LARP1: variants seen among roughly 807,000 people sequenced by gnomAD.
LARP1 encodes la-related protein 1.
In LARP1, 36 loss-of-function variants were observed where a neutral mutation model predicts 122.7. The observed-to-expected ratio is 0.29, with a 90% confidence interval of 0.22 to 0.39. The LOEUF is 0.39. Among genes scored for constraint, LARP1 ranks in the 10% least tolerant of loss-of-function variants. The pLI, the probability that LARP1 is intolerant of heterozygous loss-of-function variation, is 1.00. For synonymous variants in LARP1, 539 were observed against 528.7 expected (o/e 1.02, Z -0.27); for missense variants, 1,040 against 1,403.6 (o/e 0.74, Z 4.14).
intron 1 of LARP1, among the ~76,000 whole-genome samples, chr5:154,757,870 CTCCTCCCCTTCCCCCT>C (rs1215926349): frequency 8.2e-4 from 59 of 72,340 alleles, no homozygotes; most frequent in African/African-American, 3.4e-3. Context: ...CCCTTCCCCC[CTCCTCCCCTTCCCCCT>C]TCCTCCCCTT....
At chr5:154,774,857 A>T (rs543090311) in intron 1 of LARP1, among the ~76,000 whole-genome samples, 11 of 152,314 alleles carry the variant, frequency 7.2e-5, no homozygotes, top group African/African-American at 2.6e-4. Flanking sequence ...ATTTTGACCA[A>T]AGTCTCTCAG....
At chr5:154,711,873 T>C (rs972721818), upstream of LARP1, among the ~76,000 whole-genome samples, 12 of 152,184 alleles carry the variant, frequency 7.9e-5, no homozygotes, top group African/African-American at 2.9e-4. Flanking sequence ...CAATGTCTCG[T>C]TCCTTGTCAT....
At chr5:154,778,233 C>G (rs1373464044) in intron 1 of LARP1, among the ~76,000 whole-genome samples, 1 of 148,044 alleles carries the variant, frequency 6.8e-6, no homozygotes, top group Non-Finnish European at 1.5e-5. Flanking sequence ...GCACTCTAGC[C>G]TGGGCCACAG....
At chr5:154,738,080 C>T (rs894509724) in intron 1 of LARP1, among the ~76,000 whole-genome samples, 1 of 152,188 alleles carries the variant, frequency 6.6e-6, no homozygotes, top group African/African-American at 2.4e-5. Flanking sequence ...AGCACAGACA[C>T]ATCTAAGTCA....
intron 1 of LARP1, among the ~76,000 whole-genome samples, chr5:154,758,099 GC>G (rs1450938191): frequency 6.6e-6 from 1 of 151,766 alleles, no homozygotes; most frequent in East Asian, 1.9e-4. Context: ...TTTAAATGGG[GC>G]TACTCATCCT....
At chr5:154,738,720 C>A (rs1001181380) in intron 1 of LARP1, among the ~76,000 whole-genome samples, 1 of 151,992 alleles carries the variant, frequency 6.6e-6, no homozygotes, top group African/African-American at 2.4e-5. Flanking sequence ...AAATGCTGAC[C>A]CCCTTATGAG....
In LARP1 at chr5:154,813,946, C is replaced by T. The variant is rs1475202555; in HGVS notation, c.3141C>T (p.Gly1047=). 32 of 1,613,908 alleles carry T rather than the reference C, an allele frequency of 2.0e-5. No homozygotes were observed. In the East Asian group the frequency reaches 2.2e-4, roughly 11 times the overall value. The change falls in exon 19 of 19, where the codon GGC becomes GGT. Residue 1047 remains glycine (G), a synonymous_variant. Transcript: ENST00000518297. Reference sequence around the variant, plus strand: ...ACTCAGTGGTAGCAGGAGGTGGCGGCGGTGAGGGCAGGAAGCGGTGCCCCT... The same window carrying T: ...ACTCAGTGGTAGCAGGAGGTGGCGGTGGTGAGGGCAGGAAGCGGTGCCCCT... ...KRHSVVAGGG[G]GEGRKRCPSQ...
At chr5:154,708,765 C>T (rs1356135043), upstream of LARP1, among the ~76,000 whole-genome samples, 1 of 152,052 alleles carries the variant, frequency 6.6e-6, no homozygotes, top group Admixed American at 6.6e-5. Flanking sequence ...GCATGCACCA[C>T]CACACCCAGC....
At chr5:154,726,936 G>A (rs537514728) in intron 1 of LARP1, among the ~76,000 whole-genome samples, 2 of 152,280 alleles carry the variant, frequency 1.3e-5, no homozygotes, top group East Asian at 1.9e-4. Context: ...TCGTTATCAC[G>A]AGAACAGCAT....
intron 1 of LARP1, among the ~76,000 whole-genome samples, chr5:154,772,577 A>T (rs887540263): frequency 1.1e-4 from 17 of 152,238 alleles, no homozygotes; most frequent in African/African-American, 4.1e-4. Flanking sequence ...GATAAAGGTT[A>T]ATTTGTAAAT....
At chr5:154,775,649 A>G (rs1269806444) in intron 1 of LARP1, among the ~76,000 whole-genome samples, 2 of 152,166 alleles carry the variant, frequency 1.3e-5, no homozygotes, top group African/African-American at 4.8e-5. Context: ...TCTGAGTTGC[A>G]TTATCCCCAC....
intron 1 of LARP1, among the ~76,000 whole-genome samples, chr5:154,769,454 A>G (rs1755222807): frequency 6.6e-6 from 1 of 152,200 alleles, no homozygotes; most frequent in African/African-American, 2.4e-5. Context: ...GAAGAATGAG[A>G]GGAGGCGGTG....
rs900180171 is a variant in LARP1 at position 154,763,145 on chromosome 5, A to G, written c.436+6952A>G. Among the ~76,000 whole-genome samples the G allele has an allele frequency of 1.6e-4, 24 of 148,892 alleles. 1 individual carries two copies. The highest frequency in any genetic ancestry group is 4.2e-4 in the African/African-American group (17 of 40,270). On this transcript the variant is annotated intron_variant, in intron 1 of 18. Coordinates refer to ENST00000518297, the MANE Select transcript of LARP1 (RefSeq NM_033551.3). ...GCACGATCTCAGCTCACCGCAACCT[A>G]TGCCTCCTGGGTTCAAGCGATTCTC...
Position 154,785,420 on chromosome 5 carries a change from C to T in LARP1, c.437-4905C>T, listed in dbSNP as rs138031236. ...TATCTCAGAGTGAGGGTGGCGATTG[C>T]TTGGAAATAGTAAGCTTCCTTTGTG... On this transcript the variant is annotated intron_variant, in intron 1 of 18. Coordinates refer to ENST00000518297, the MANE Select transcript of LARP1 (RefSeq NM_033551.3). 5.5e-4 allele frequency among the ~76,000 whole-genome samples: 84 copies of T among 152,292 alleles called. No homozygotes were observed. In the East Asian group the frequency reaches 0.013, roughly 24 times the overall value.
rs535621815 is a variant in LARP1 at position 154,757,916 on chromosome 5, C to T, written c.436+1723C>T. ...CCCCTTCCCCCCTCCTCCCCTTCCC[C>T]CCTTTCCCTTCCAGAGCCCTTTTAT... On this transcript the variant is annotated intron_variant, in intron 1 of 18. Coordinates refer to ENST00000518297, the MANE Select transcript of LARP1 (RefSeq NM_033551.3). Among the ~76,000 whole-genome samples the T allele has an allele frequency of 7.2e-5, 10 of 139,858 alleles. No homozygotes were observed. In the South Asian group the frequency reaches 2.5e-3, roughly 35 times the overall value. 91.8% of individuals were successfully genotyped at this position (139,858 alleles called of 152,430 possible).
chr5:154,792,401 G>C (rs1757417373), intron 3 of LARP1, among the ~76,000 whole-genome samples: 1 of 152,164 alleles, frequency 6.6e-6, no homozygotes, highest in Non-Finnish European at 1.5e-5. Flanking sequence ...ACTTAGACTT[G>C]GAAGCTGGAG....
In LARP1 at chr5:154,765,840, A is replaced by G. The variant is rs549289461; in HGVS notation, c.436+9647A>G. Reference sequence around the variant, plus strand: ...TGAAAGAATGAATTGCGTATTTTTAATGGCATTCATTCATTACATTTTGAG... The same window carrying G: ...TGAAAGAATGAATTGCGTATTTTTAGTGGCATTCATTCATTACATTTTGAG... On this transcript the variant is annotated intron_variant, in intron 1 of 18. Transcript: ENST00000518297. Among the ~76,000 whole-genome samples, 11 of 152,338 alleles carry G rather than the reference A, an allele frequency of 7.2e-5. No individual in the cohort carries two copies. In the East Asian group the frequency reaches 1.2e-3, roughly 16 times the overall value.
chr5:154,813,277 G>T (rs1333872805), intron 18 of LARP1, among the ~76,000 whole-genome samples: 1 of 152,162 alleles, frequency 6.6e-6, no homozygotes, highest in East Asian at 1.9e-4. Context: ...ACCTATTAGG[G>T]TGGAACAAGG....
intron 10 of LARP1, among the ~76,000 whole-genome samples, chr5:154,800,263 G>A (rs1248850262): frequency 6.6e-6 from 1 of 152,212 alleles, no homozygotes; most frequent in African/African-American, 2.4e-5. Flanking sequence ...GCGCCCTACT[G>A]TGTGAGTTCC....
Sources: gnomAD v4.1 joint callset for allele counts (sites outside exome capture counted in the v4.1 genomes callset) on GRCh38, gnomAD v4.1.1 for gene constraint, MANE v1.5 for transcripts, NCBI Gene and HGNC (gene_info 2026-07-23, HGNC 2026-07-21) for gene names.